SLC9A7: variants seen among roughly 807,000 people sequenced by gnomAD.
SLC9A7 encodes solute carrier family 9 member A7.
In SLC9A7, 19 loss-of-function variants were observed where a neutral mutation model predicts 52.6. The ratio of observed to expected loss-of-function variants is 0.36; its 90% CI spans 0.25 to 0.53. SLC9A7 has a LOEUF of 0.53. Among genes scored for constraint, SLC9A7 ranks in the 20% least tolerant of loss-of-function variants. SLC9A7 has a pLI of 0.91. For missense variants in SLC9A7, 455 were observed against 597.9 expected (o/e 0.76, Z 2.49); for synonymous variants, 226 against 252.1 (o/e 0.90, Z 0.98).
intron 16 of SLC9A7, among the ~76,000 whole-genome samples, chrX:46,609,682 A>G (rs893281851): frequency 2.7e-5 from 3 of 110,471 alleles, no homozygotes; most frequent in Admixed American, 1.9e-4. Flanking sequence ...CCTGGGTGAC[A>G]GAGCAAGACT....
intron 15 of SLC9A7, among the ~76,000 whole-genome samples, chrX:46,615,536 C>G (rs1942933875): frequency 9.1e-6 from 1 of 110,088 alleles, no homozygotes; most frequent in African/African-American, 3.3e-5. Context: ...CAGGGGAACT[C>G]AGAGACTGCT....
chrX:46,757,840 G>C (rs1922792335), intron 1 of SLC9A7, among the ~76,000 whole-genome samples: 1 of 111,305 alleles, frequency 9.0e-6, no homozygotes, highest in Non-Finnish European at 1.9e-5. Flanking sequence ...TGACCACTGT[G>C]CATGTAACAC....
In SLC9A7 at chrX:46,662,916, T is replaced by C. The variant is rs138824160; in HGVS notation, c.794-273A>G. On this transcript the variant is annotated intron_variant, in intron 5 of 16. Transcript: ENST00000616978. ...TCCCATCACACTTTGAAAGTATCTG[T>C]TACAGAACTTCAAAAAATAATGACA... Among the ~76,000 whole-genome samples the C allele has an allele frequency of 3.4e-3, 387 of 112,764 alleles. 3 individuals are homozygous for C. The South Asian group carries it at 0.041, about 12-fold the overall frequency.
rs184601745 is a variant in SLC9A7 at position 46,638,850 on chromosome X, C to G, written c.1617-3202G>C. The stretch of plus-strand genomic sequence containing the variant: ...GAAAAAAAAAGAGTCAGGAACATGT[C>G]CAACTCATTTTGTGAGGCCAGATTA... On this transcript the variant is annotated intron_variant, in intron 12 of 16. Coordinates refer to ENST00000616978, the MANE Select transcript of SLC9A7 (RefSeq NM_001257291.2). Among the ~76,000 whole-genome samples, 471 of 112,421 alleles carry G rather than the reference C, an allele frequency of 4.2e-3. 1 individual carries two copies. The highest frequency in any genetic ancestry group is 7.4e-3 in the Non-Finnish European group (392 of 53,195).
intron 1 of SLC9A7, among the ~76,000 whole-genome samples, chrX:46,752,000 A>G: frequency 9.0e-6 from 1 of 111,673 alleles, no homozygotes; most frequent in African/African-American, 3.2e-5. Flanking sequence ...TAAGAGGGGG[A>G]TTAACTTCTT....
intron 12 of SLC9A7, among the ~76,000 whole-genome samples, chrX:46,642,404 T>C (rs772752945): frequency 8.9e-6 from 1 of 112,627 alleles, no homozygotes; most frequent in East Asian, 2.8e-4. Context: ...GACCTGAAAC[T>C]GTGGCAAGTG....
chrX:46,754,221 C>G (rs1411189641), intron 1 of SLC9A7, among the ~76,000 whole-genome samples: 4 of 111,553 alleles, frequency 3.6e-5, no homozygotes, highest in African/African-American at 1.3e-4. Context: ...TAATATTTAC[C>G]AAGTGCTTAA....
At chrX:46,744,099 C>T (rs1336599898) in intron 1 of SLC9A7, among the ~76,000 whole-genome samples, 1 of 112,744 alleles carries the variant, frequency 8.9e-6, no homozygotes, top group Non-Finnish European at 1.9e-5. Flanking sequence ...TCTCCATTCC[C>T]ACGGTTACCT....
intron 1 of SLC9A7, among the ~76,000 whole-genome samples, chrX:46,723,877 C>G (rs1359215549): frequency 2.7e-5 from 3 of 111,442 alleles, no homozygotes; most frequent in Admixed American, 9.5e-5. Flanking sequence ...CACTTCAGGT[C>G]AGGAGTTCAA....
intron 11 of SLC9A7, chrX:46,646,850 A>AG (rs201553946): frequency 0.011 from 3,641 of 327,791 alleles, 56 homozygotes; most frequent in African/African-American, 0.045. Flanking sequence ...TTCATTCCAA[A>AG]GGGCAGAGCT....
At chrX:46,757,276 C>T (rs1305843858) in intron 1 of SLC9A7, among the ~76,000 whole-genome samples, 1 of 111,916 alleles carries the variant, frequency 8.9e-6, no homozygotes, top group South Asian at 3.7e-4. Context: ...AGCTCAACAA[C>T]GGTCAGGGAT....
At chrX:46,627,353 C>T (rs767489816) in intron 14 of SLC9A7, among the ~76,000 whole-genome samples, 2 of 111,503 alleles carry the variant, frequency 1.8e-5, no homozygotes, top group South Asian at 3.7e-4. Flanking sequence ...AATCTCTGAC[C>T]GTGATACACA....
At chrX:46,699,897 C>T (rs1944503566) in intron 1 of SLC9A7, among the ~76,000 whole-genome samples, 1 of 111,153 alleles carries the variant, frequency 9.0e-6, no homozygotes, top group African/African-American at 3.3e-5. Flanking sequence ...GGGAGGATTG[C>T]TTGAGCCCAG....
chrX:46,621,360 GATTA>G (rs778495570), intron 14 of SLC9A7, among the ~76,000 whole-genome samples: 1 of 112,234 alleles, frequency 8.9e-6, no homozygotes, highest in South Asian at 3.7e-4. Flanking sequence ...TCTTTCAGCA[GATTA>G]ATTACCCTAA....
At chrX:46,717,105 G>C (rs1451271538) in intron 1 of SLC9A7, among the ~76,000 whole-genome samples, 1 of 112,301 alleles carries the variant, frequency 8.9e-6, no homozygotes, top group Non-Finnish European at 1.9e-5. Flanking sequence ...CAAGAACTAT[G>C]TCATAAAAAC....
rs13441098 is a variant in SLC9A7 at position 46,673,832 on chromosome X, T to C, written c.604-1205A>G. 6.7e-3 allele frequency among the ~76,000 whole-genome samples: 754 copies of C among 111,976 alleles called. 8 individuals carry two copies. Among genetic ancestry groups the C allele is most frequent in the African/African-American group, 0.022 (691 of 30,825 alleles). On this transcript the variant is annotated intron_variant, in intron 3 of 16. Transcript: ENST00000616978. ...GAAGAAGGTGTTAAGGAATGCCTGCTGCCCCTAAGCCACCTGCTCAGGAGA... is the reference window on the plus strand; with the variant it reads ...GAAGAAGGTGTTAAGGAATGCCTGCCGCCCCTAAGCCACCTGCTCAGGAGA...
Position 46,759,073 on chromosome X carries a change from C to T in SLC9A7, c.-44G>A. The T allele has an allele frequency of 1.2e-6, 1 of 843,909 alleles. No individual in the cohort carries two copies. The allele number at this position is 843,909 out of a possible 1,213,427, so 69.5% of individuals were successfully genotyped here. ...GCCTCCTCCGAGCGGGGACCAGCAG[C>T]CCGCGCCGTCGGCGGGTTCTGGCAG... On this transcript the variant is annotated 5_prime_UTR_variant, in exon 1 of 17. Coordinates refer to ENST00000616978, the MANE Select transcript of SLC9A7 (RefSeq NM_001257291.2).
chrX:46,668,374 T>C (rs1239574255), intron 5 of SLC9A7, among the ~76,000 whole-genome samples: 1 of 111,068 alleles, frequency 9.0e-6, no homozygotes, highest in Non-Finnish European at 1.9e-5. Context: ...TAGCCGGGCA[T>C]GGTGGTGCAT....
intron 11 of SLC9A7, among the ~76,000 whole-genome samples, chrX:46,644,272 G>A (rs1464931466): frequency 1.8e-5 from 2 of 112,108 alleles, no homozygotes; most frequent in African/African-American, 6.5e-5. Context: ...TCAGTTTAAT[G>A]TTTTGGAGTT....
Sources: gnomAD v4.1 joint callset for allele counts (sites outside exome capture counted in the v4.1 genomes callset) on GRCh38, gnomAD v4.1.1 for gene constraint, MANE v1.5 for transcripts, NCBI Gene and HGNC (gene_info 2026-07-23, HGNC 2026-07-21) for gene names.